Variants in MYH9 observed in about 807,000 individuals in gnomAD.
MYH9 encodes the protein myosin heavy chain 9, also known as myosin-9.
A neutral mutation model predicts 241.9 loss-of-function variants in MYH9; 29 were observed. The observed-to-expected ratio is 0.12, with a 90% CI of 0.09 to 0.16. MYH9 has a LOEUF of 0.16. Among genes scored for constraint, MYH9 ranks in the 10% least tolerant of loss-of-function variants. The probability of loss-of-function intolerance (pLI) is 1.00; values close to 1 mark genes in which losing one functional copy is unlikely to be tolerated. For synonymous variants in MYH9, 1,047 were observed against 1,062.6 expected, an observed-to-expected ratio of 0.99 and a Z score of 0.29; for missense variants, 1,803 against 2,595.5, an observed-to-expected ratio of 0.69 and a Z score of 6.63.
In MYH9 at chr22:36,309,388, G is replaced by A. The variant is rs1226613350; in HGVS notation, c.1737C>T (p.Tyr579=). 1.2e-6 allele frequency: 2 copies of A among 1,614,018 alleles called. No individual in the cohort carries two copies. The highest frequency in any genetic ancestry group is 2.2e-5 in the East Asian group (1 of 44,894). ...CIIHYAGKVD[Y]KADEWLMKNM... Reference sequence around the variant, plus strand: ...TCTTCATCAGCCACTCGTCAGCTTTGTAATCCACCTGGCGGGGTCAGAGAG... The same window carrying A: ...TCTTCATCAGCCACTCGTCAGCTTTATAATCCACCTGGCGGGGTCAGAGAG... Residue 579 remains tyrosine, a synonymous_variant, in exon 15 of 41, where the codon TAC becomes TAT. Transcript: ENST00000216181.
intron 1 of MYH9, among the ~76,000 whole-genome samples, chr22:36,352,198 T>A (rs1216710855): frequency 6.6e-6 from 1 of 152,134 alleles, no homozygotes; most frequent in African/African-American, 2.4e-5. Flanking sequence ...CTGAGTGTGA[T>A]GTGGGGAGTG....
At chr22:36,323,631 C>T (rs111524242) in intron 5 of MYH9, among the ~76,000 whole-genome samples, 8 of 152,154 alleles carry the variant, frequency 5.3e-5, no homozygotes, top group African/African-American at 9.7e-5. Context: ...CTGCCACAGA[C>T]GAGACCCATC....
chr22:36,302,801 C>T (rs571994289), intron 19 of MYH9, 125 bp from the exon 20 acceptor site: 1 of 770,552 alleles, frequency 1.3e-6, no homozygotes, highest in South Asian at 1.4e-5. Flanking sequence ...GAAAGAAATT[C>T]AGGGAAGGGG....
chr22:36,323,215 C>G (rs904526394), intron 5 of MYH9, among the ~76,000 whole-genome samples: 1 of 152,208 alleles, frequency 6.6e-6, no homozygotes, highest in South Asian at 2.1e-4. Flanking sequence ...ACCATACTCA[C>G]GGGGCAGGAC....
chr22:36,340,708 T>C (rs936139874), intron 3 of MYH9, among the ~76,000 whole-genome samples: 7 of 149,558 alleles, frequency 4.7e-5, no homozygotes, highest in African/African-American at 1.7e-4. Flanking sequence ...GACTGTCCGA[T>C]GCTGGGGAGA....
chr22:36,298,692 C>T (rs2016826468), intron 24 of MYH9, among the ~76,000 whole-genome samples: 6 of 152,180 alleles, frequency 3.9e-5, no homozygotes, highest in Admixed American at 3.9e-4. Context: ...GGCATCTAGC[C>T]ACAGAGCAAC....
intron 1 of MYH9, among the ~76,000 whole-genome samples, chr22:36,375,509 TG>T (rs1480036677): frequency 1.3e-5 from 2 of 152,206 alleles, no homozygotes; most frequent in Non-Finnish European, 2.9e-5. Context: ...GCTCAGCCAC[TG>T]GTGAGGGTGG....
At chr22:36,387,254 G>A (rs1307585794) in intron 1 of MYH9, among the ~76,000 whole-genome samples, 1 of 152,212 alleles carries the variant, frequency 6.6e-6, no homozygotes, top group Non-Finnish European at 1.5e-5. Flanking sequence ...TGCAAGGTCT[G>A]CAGCGGGACG....
chr22:36,303,805 A>G (rs1401475221), intron 19 of MYH9, among the ~76,000 whole-genome samples, 190 bp downstream of exon 19: 29 of 147,616 alleles, frequency 2.0e-4, no homozygotes, highest in Non-Finnish European at 3.5e-4. Context: ...AAAAAAAAAG[A>G]AAAAAAAAAG....
Position 36,285,621 on chromosome 22 carries a change from A to T in MYH9, c.5274+37T>A. Reference sequence around the variant, plus strand: ...AGGCCAGCTCTGCCGTGGTGGCTCCAGCCAGAGCCCAGAGTGGGAGAAGTC... The same window carrying T: ...AGGCCAGCTCTGCCGTGGTGGCTCCTGCCAGAGCCCAGAGTGGGAGAAGTC... On this transcript the variant is annotated intron_variant, in intron 37 of 40. Coordinates refer to ENST00000216181, the MANE Select transcript of MYH9 (RefSeq NM_002473.6). This position sits in a 1 kb window ranked among gnomAD's most constrained non-coding sequence, Gnocchi z 7.0. The T allele has an allele frequency of 6.2e-7, 1 of 1,610,866 alleles. No homozygotes were observed. Among genetic ancestry groups the T allele is most frequent in the Non-Finnish European group, 8.5e-7 (1 of 1,179,944 alleles).
At chr22:36,349,994 C>G (rs966169452) in intron 1 of MYH9, among the ~76,000 whole-genome samples, 1 of 152,168 alleles carries the variant, frequency 6.6e-6, no homozygotes, top group Admixed American at 6.5e-5. Context: ...GTTATTAGTT[C>G]ATGAAGTCAA....
Position 36,326,613 on chromosome 22 carries a change from C to T in MYH9, c.567G>A (p.Gln189=). The T allele has an allele frequency of 1.2e-6, 2 of 1,614,232 alleles. No homozygotes were observed. Among genetic ancestry groups the T allele is most frequent in the Non-Finnish European group, 1.7e-6 (2 of 1,180,042 alleles). ...GCGAGGACGCCACGTACGCCAGATACTGGATGACCTTCTTGGTGTTCTCCG... is the reference window on the plus strand; with the variant it reads ...GCGAGGACGCCACGTACGCCAGATATTGGATGACCTTCTTGGTGTTCTCCG... The part of the protein sequence containing the change: ...GKTENTKKVI[Q]YLAYVASSHK... Residue 189 remains glutamine, a synonymous_variant, in exon 5 of 41, where the codon CAG becomes CAA. Transcript: ENST00000216181.
rs2017898790 is a variant in MYH9, at chr22:36,359,135, G to C, written c.-19-9880C>G. On this transcript the variant is annotated intron_variant, in intron 1 of 40. Coordinates refer to ENST00000216181, the MANE Select transcript of MYH9 (RefSeq NM_002473.6). ...AGCAAAAAGATGTCTCATATCTATG[G>C]CCCTCCCGTCTGTGCTCTGTACTTG... Among the ~76,000 whole-genome samples, 4 of 152,160 alleles carry C rather than the reference G, an allele frequency of 2.6e-5. No individual in the cohort carries two copies. In the South Asian group the frequency reaches 8.3e-4, roughly 31 times the overall value.
chr22:36,327,953 G>A (rs767168378), intron 3 of MYH9, among the ~76,000 whole-genome samples: 32 of 152,310 alleles, frequency 2.1e-4, no homozygotes, highest in Non-Finnish European at 3.7e-4. Context: ...GAGGGGTGAC[G>A]AGGCCTGGCT....
intron 1 of MYH9, among the ~76,000 whole-genome samples, chr22:36,386,672 C>A (rs902574551): frequency 2.6e-5 from 4 of 152,216 alleles, no homozygotes; most frequent in African/African-American, 9.6e-5. Flanking sequence ...GGAGTCTTCT[C>A]TCCACACCGG....
Position 36,300,759 on chromosome 22 carries a change from T to TA in MYH9, c.2838+91dup. On this transcript the variant is annotated intron_variant, in intron 22 of 40. Transcript: ENST00000216181. The surrounding 1 kb of genome is among the most constrained non-coding windows in gnomAD (Gnocchi z 5.0). ...CGTGAGGAGCAGCCTCCTTGGACCC[T>TA]AATTCCATGTTCTCCCAGCTCCTGG... The TA allele has an allele frequency of 6.9e-7, 1 of 1,452,350 alleles. No individual in the cohort carries two copies. Among genetic ancestry groups the TA allele is most frequent in the Non-Finnish European group, 9.5e-7 (1 of 1,053,366 alleles). 90.0% of individuals were successfully genotyped at this position (1,452,350 alleles called of 1,614,324 possible).
rs2017408122 is a variant in MYH9, at chr22:36,330,725, C to T, written c.491-3237G>A. On this transcript the variant is annotated intron_variant, in intron 3 of 40. Transcript: ENST00000216181. The surrounding 1 kb of genome is among the most constrained non-coding windows in gnomAD (Gnocchi z 4.5). Reference sequence around the variant, plus strand: ...TCACAGGATGAGCACATTCAGAGTCCGGCCCAATCTGCTTGTTTTGGCTCG... The same window carrying T: ...TCACAGGATGAGCACATTCAGAGTCTGGCCCAATCTGCTTGTTTTGGCTCG... Among the ~76,000 whole-genome samples, 1 of 152,030 alleles carries T rather than the reference C, an allele frequency of 6.6e-6. No homozygotes were observed. Among genetic ancestry groups the T allele is most frequent in the Admixed American group, 6.6e-5 (1 of 15,258 alleles).
At chr22:36,364,732 T>C (rs942789431) in intron 1 of MYH9, 1 of 152,240 alleles carries the variant, frequency 6.6e-6, no homozygotes, top group African/African-American at 2.4e-5. Context: ...ACTCTGATCA[T>C]GGGCTTCAAA....
At chr22:36,289,807 A>G (rs772270895) in intron 31 of MYH9, among the ~76,000 whole-genome samples, 2 of 151,766 alleles carry the variant, frequency 1.3e-5, no homozygotes, top group African/African-American at 2.4e-5. Flanking sequence ...TTTGGCCCAA[A>G]CCTTAATTAT....
Sources: allele counts gnomAD v4.1 joint callset (sites outside exome capture counted in the v4.1 genomes callset), GRCh38; gene constraint gnomAD v4.1.1; non-coding constraint Gnocchi (gnomAD v3.1); transcripts MANE v1.5; gene names NCBI Gene and HGNC (gene_info 2026-07-23, HGNC 2026-07-21).